Variants in DDX42 observed in about 807,000 individuals in gnomAD.
DDX42 encodes ATP-dependent RNA helicase DDX42.
Under a neutral mutation model 101.5 loss-of-function variants are expected in DDX42, and 22 were observed. The observed-to-expected ratio is 0.22, with a 90% CI of 0.15 to 0.31. The LOEUF (loss-of-function observed/expected upper bound fraction) is 0.31. DDX42 is among the 10% of genes least tolerant of loss of function. The pLI, the probability that DDX42 is intolerant of heterozygous loss-of-function variation, is 1.00. For synonymous variants in DDX42, 402 were observed against 401.2 expected, an observed-to-expected ratio of 1.00 and a Z score of -0.02; for missense variants, 849 against 1,199.9, an observed-to-expected ratio of 0.71 and a Z score of 4.32.
At position 63,817,836 on chromosome 17, in the gene DDX42, C is replaced by G; in HGVS notation, c.2255C>G (p.Pro752Arg). ...TNSAQQGHNS[P>R]DSPVTSAAKG... Reference sequence around the variant, plus strand: ...TCAGCACAACAGGGCCATAACAGTCCTGACAGCCCCGTCACCAGTGCCGCC... The same window carrying G: ...TCAGCACAACAGGGCCATAACAGTCGTGACAGCCCCGTCACCAGTGCCGCC... Residue 752 changes from proline to arginine, a missense_variant, in exon 18 of 18, where the codon CCT becomes CGT. Physicochemically the swap from Pro to Arg is moderately radical, Grantham distance 103. Around this residue, in one of 5 missense-constraint regions of DDX42, gnomAD observed 300 missense variants for 304.9 expected, o/e 0.98. Transcript: ENST00000389924. The G allele has an allele frequency of 6.2e-7, 1 of 1,614,188 alleles. No individual in the cohort carries two copies. Among genetic ancestry groups the G allele is most frequent in the Non-Finnish European group, 8.5e-7 (1 of 1,180,036 alleles).
rs932122916 is a variant in DDX42 at position 63,774,339 on chromosome 17, C to G, written c.-54C>G. The G allele has an allele frequency of 7.9e-6, 2 of 252,420 alleles. No homozygotes were observed. Among genetic ancestry groups the G allele is most frequent in the Admixed American group, 1.1e-4 (2 of 17,886 alleles). 15.6% of individuals were successfully genotyped at this position (252,420 alleles called of 1,614,324 possible). ...TGGGCTCCGGGATTCGCTCCGCGCC[C>G]GCGGTTGTAGCAGCTGCCGCTGCAG... On this transcript the variant is annotated 5_prime_UTR_variant, in exon 1 of 18. Coordinates refer to ENST00000389924, the MANE Select transcript of DDX42 (RefSeq NM_203499.3).
At chr17:63,800,446 A>G in intron 5 of DDX42, 22 bp from the exon 6 acceptor site, 2 of 1,610,194 alleles carry the variant, frequency 1.2e-6, no homozygotes, top group Non-Finnish European at 1.7e-6. Flanking sequence ...GGGTGTGATT[A>G]TGTTCTTGTG....
At chr17:63,793,443 GT>G (rs904565926) in intron 3 of DDX42, among the ~76,000 whole-genome samples, 8 of 151,896 alleles carry the variant, frequency 5.3e-5, no homozygotes, top group African/African-American at 1.9e-4. Context: ...AATTTTTAAA[GT>G]TTTTATAGAG....
At chr17:63,785,822 C>T (rs1049714526) in intron 1 of DDX42, among the ~76,000 whole-genome samples, 5 of 152,088 alleles carry the variant, frequency 3.3e-5, no homozygotes, top group Non-Finnish European at 5.9e-5. Context: ...AGTACCTTTC[C>T]TGCAGACATG....
chr17:63,814,732 C>T (rs1335852141), intron 15 of DDX42, among the ~76,000 whole-genome samples: 1 of 137,848 alleles, frequency 7.3e-6, no homozygotes, highest in Non-Finnish European at 1.5e-5. Context: ...CTCTATCACC[C>T]AGGCTGGAGT....
intron 1 of DDX42, among the ~76,000 whole-genome samples, chr17:63,779,436 G>A (rs1345681882): frequency 6.6e-6 from 1 of 152,020 alleles, no homozygotes; most frequent in Non-Finnish European, 1.5e-5. Context: ...GGTAATTTTT[G>A]TATTTTTTGT....
Position 63,793,879 on chromosome 17 carries a change from T to TATATATATATATAA in DDX42, c.372+1318_372+1319insTATATATATATAAA, listed in dbSNP as rs780884817. On this transcript the variant is annotated intron_variant, in intron 3 of 17. Coordinates refer to ENST00000389924, the MANE Select transcript of DDX42 (RefSeq NM_203499.3). ...ATTTATATATATATATATATATATA[T>TATATATATATATAA]AATTTTTTAACTGATAACAAAACCG... Among the ~76,000 whole-genome samples the TATATATATATATAA allele has an allele frequency of 3.9e-3, 406 of 103,000 alleles. 2 individuals are homozygous for TATATATATATATAA. Among genetic ancestry groups the TATATATATATATAA allele is most frequent in the African/African-American group, 0.015 (372 of 25,286 alleles). 67.6% of individuals were successfully genotyped at this position (103,000 alleles called of 152,430 possible).
At chr17:63,783,665 C>A (rs1046228785) in intron 1 of DDX42, among the ~76,000 whole-genome samples, 3 of 152,062 alleles carry the variant, frequency 2.0e-5, no homozygotes, top group Admixed American at 2.0e-4. Flanking sequence ...AAATACATAC[C>A]TTAGTCATTC....
rs974801161 is a variant in DDX42 at position 63,817,944 on chromosome 17, A to G, written c.2363A>G (p.Asn788Ser). 1.2e-6 allele frequency: 2 copies of G among 1,614,076 alleles called. No individual in the cohort carries two copies. Among genetic ancestry groups the G allele is most frequent in the African/African-American group, 1.3e-5 (1 of 74,926 alleles). The change falls in exon 18 of 18, where the codon AAC (asparagine) becomes AGC (serine). Residue 788 changes from asparagine (N) to serine (S), a missense_variant. Physicochemically the swap from Asn to Ser is conservative, Grantham distance 46. Coordinates refer to ENST00000389924, the MANE Select transcript of DDX42 (RefSeq NM_203499.3). ...CCGTCTGCCGGAGCCCAAGGAGTCA[A>G]CAACACAGCTTCAGGGAATAACAGC... ...TYPSAGAQGV[N>S]NTASGNNSRE...
Position 63,798,399 on chromosome 17 carries a change from G to T in DDX42, c.434+300G>T, listed in dbSNP as rs888387707. Among the ~76,000 whole-genome samples the T allele has an allele frequency of 1.3e-5, 2 of 152,194 alleles. 1 individual carries two copies. Among genetic ancestry groups the T allele is most frequent in the Non-Finnish European group, 2.9e-5 (2 of 68,036 alleles). On this transcript the variant is annotated intron_variant, in intron 4 of 17. Coordinates refer to ENST00000389924, the MANE Select transcript of DDX42 (RefSeq NM_203499.3). ...AGGGGAGCATAATTATTAAAGTTTA[G>T]GCTCATTGTTCTGAGTTTGTCGCAT...
intron 1 of DDX42, among the ~76,000 whole-genome samples, chr17:63,783,830 A>G (rs2039516035): frequency 6.6e-6 from 1 of 152,132 alleles, no homozygotes; most frequent in South Asian, 2.1e-4. Context: ...CGGGAGGCCA[A>G]GGTGGTTGGA....
intron 16 of DDX42, 182 bp downstream of exon 16, chr17:63,815,855 G>A: frequency 2.8e-6 from 1 of 354,716 alleles, no homozygotes; most frequent in Non-Finnish European, 5.1e-6. Flanking sequence ...TTCTATTGAA[G>A]AAGCATCTTT....
chr17:63,782,895 A>T (rs1038888098), intron 1 of DDX42, among the ~76,000 whole-genome samples: 1 of 152,088 alleles, frequency 6.6e-6, no homozygotes, highest in Non-Finnish European at 1.5e-5. Flanking sequence ...TAAGCTGTTC[A>T]TCTTGGCCCT....
intron 15 of DDX42, among the ~76,000 whole-genome samples, chr17:63,814,422 G>T (rs1260213806): frequency 6.6e-6 from 1 of 152,240 alleles, no homozygotes; most frequent in Non-Finnish European, 1.5e-5. Flanking sequence ...GGTCCTAGGA[G>T]TAAAGGACCT....
chr17:63,808,174 T>C (rs1488338502), intron 9 of DDX42, among the ~76,000 whole-genome samples: 1 of 152,188 alleles, frequency 6.6e-6, no homozygotes, highest in Non-Finnish European at 1.5e-5. Flanking sequence ...TTTTTATTTA[T>C]TTTTATTTAT....
chr17:63,819,179 A>G lies in DDX42; in HGVS notation c.*781A>G, dbSNP rs979875016. ...AATGATAGAAAAGTCTTTTGCTGAA[A>G]TGATTTTGATGATTTTTGTTTATCG... is the stretch of plus-strand genomic sequence containing the variant. On this transcript the variant is annotated 3_prime_UTR_variant, in exon 18 of 18. Coordinates refer to ENST00000389924, the MANE Select transcript of DDX42 (RefSeq NM_203499.3). 3 of 152,670 alleles carry G rather than the reference A, an allele frequency of 2.0e-5. No homozygotes were observed. Among genetic ancestry groups the G allele is most frequent in the Admixed American group, 6.5e-5 (1 of 15,284 alleles). The allele number at this position is 152,670 out of a possible 1,614,324, so 9.5% of individuals were successfully genotyped here.
At position 63,817,779 on chromosome 17, in the gene DDX42, G is replaced by C. The variant is rs758322340; in HGVS notation, c.2198G>C (p.Ser733Thr). The change falls in exon 18 of 18, where the codon AGT becomes ACT. Residue 733 changes from serine to threonine, a missense_variant. Physicochemically the swap from Ser to Thr is moderately conservative, Grantham distance 58. Coordinates refer to ENST00000389924, the MANE Select transcript of DDX42 (RefSeq NM_203499.3). ...SSAAGASGWT[S>T]AGSLNSVPTN... ...GCTGCTGGGGCAAGTGGGTGGACTA[G>C]TGCAGGGAGCTTGAATTCTGTTCCA... The C allele has an allele frequency of 6.2e-7, 1 of 1,614,246 alleles. No individual in the cohort carries two copies. The highest frequency in any genetic ancestry group is 1.1e-5 in the South Asian group (1 of 91,090).
intron 6 of DDX42, among the ~76,000 whole-genome samples, chr17:63,802,355 T>TA (rs2039781492): frequency 6.6e-6 from 1 of 152,238 alleles, no homozygotes; most frequent in Non-Finnish European, 1.5e-5. Flanking sequence ...GAAAAGCACT[T>TA]ATGTGTTTGA....
chr17:63,806,650 G>C lies in DDX42; in HGVS notation c.842G>C (p.Cys281Ser), dbSNP rs753513363. Residue 281 changes from cysteine to serine, a missense_variant, in exon 8 of 18, where the codon TGC becomes TCC. Around this residue, in one of 5 missense-constraint regions of DDX42, gnomAD observed 370 missense variants for 608.8 expected, o/e 0.61. Transcript: ENST00000389924. ...TACACACAGCCCACTCCAATACAGT[G>C]CCAGGTAAGTAAAACATAATGAAAG... ...SEYTQPTPIQ[C>S]QGVPVALSGR... 6.2e-7 allele frequency: 1 copy of C among 1,600,690 alleles called. No homozygotes were observed. The highest frequency in any genetic ancestry group is 1.3e-5 in the African/African-American group (1 of 74,218).
Sources: allele counts gnomAD v4.1 joint callset (sites outside exome capture counted in the v4.1 genomes callset), GRCh38; gene constraint gnomAD v4.1.1; regional missense constraint gnomAD v4.1.1; transcripts MANE v1.5; gene names NCBI Gene and HGNC (gene_info 2026-07-23, HGNC 2026-07-21).